Variants in JAK2 observed in about 807,000 individuals in gnomAD.
JAK2 encodes tyrosine-protein kinase JAK2.
Under a neutral mutation model 139.3 loss-of-function variants are expected in JAK2, and 86 were observed. The observed-to-expected ratio is 0.62, with a 90% confidence interval of 0.52 to 0.74. The LOEUF (loss-of-function observed/expected upper bound fraction) is 0.74. Among genes scored for constraint, JAK2 ranks in the 30% least tolerant of loss-of-function variants. The pLI is 0.00. For missense variants in JAK2, 1,421 were observed against 1,360.3 expected (o/e 1.04, Z -0.70); for synonymous variants, 490 against 437.7 (o/e 1.12, Z -1.49).
In JAK2 at chr9:5,103,221, C is replaced by CAAAAAAAAAAAAAA. The variant is rs56691830; in HGVS notation, c.3059+12331_3059+12344dup. On this transcript the variant is annotated intron_variant, in intron 22 of 24. Transcript: ENST00000381652. ...GAAGATCTACCAAGCAAAGGGAAAGCAAAAAAAAAAAAAAAAAAAAAAAAA... is the reference window on the plus strand; with the variant it reads ...GAAGATCTACCAAGCAAAGGGAAAGCAAAAAAAAAAAAAAAAAAAAAAAAAAAAAAAAAAAAAAA... Among the ~76,000 whole-genome samples, 8 of 6,872 alleles carry CAAAAAAAAAAAAAA rather than the reference C, an allele frequency of 1.2e-3. 1 individual carries two copies. The highest frequency in any genetic ancestry group is 1.5e-3 in the Non-Finnish European group (6 of 4,008). The allele number at this position is 6,872 out of a possible 152,430, so 4.5% of individuals were successfully genotyped here.
intron 3 of JAK2, among the ~76,000 whole-genome samples, chr9:5,027,117 T>G (rs1229050802): frequency 1.3e-5 from 2 of 152,204 alleles, no homozygotes; most frequent in Non-Finnish European, 2.9e-5. Context: ...AACCAACCTT[T>G]CTATAGAGGA....
intron 5 of JAK2, among the ~76,000 whole-genome samples, chr9:5,048,361 T>C (rs1400787457): frequency 1.3e-5 from 2 of 152,160 alleles, no homozygotes; most frequent in Non-Finnish European, 2.9e-5. Flanking sequence ...CAGGCTGGTC[T>C]CGAACTCCTG....
At chr9:5,114,796 A>G (rs1822992077) in intron 22 of JAK2, 1 of 298,038 alleles carries the variant, frequency 3.4e-6, no homozygotes, top group Non-Finnish European at 6.6e-6. Context: ...TTGTCTGTAA[A>G]TCCCATTAAA....
At position 5,128,083 on chromosome 9, in the gene JAK2, TG is replaced by T. The variant is rs1824118516; in HGVS notation, c.*1293del. ...CTAAAATAAAATATGGTGGGTTTTG[TG>T]TGTGTGTGTGTGTGTGTGTGTGTGT... On this transcript the variant is annotated 3_prime_UTR_variant, in exon 25 of 25. Coordinates refer to ENST00000381652, the MANE Select transcript of JAK2 (RefSeq NM_004972.4). 15 of 5,430 alleles carry T rather than the reference TG, an allele frequency of 2.8e-3. No individual in the cohort carries two copies. Among genetic ancestry groups the T allele is most frequent in the Middle Eastern group, 0.083 (2 of 24 alleles). 0.3% of individuals were successfully genotyped at this position (5,430 alleles called of 1,614,324 possible). A position where few individuals can be genotyped will look rare whatever the true frequency, so the allele number is the denominator to read the frequency against.
At chr9:4,997,629 G>A (rs1379146020) in intron 2 of JAK2, among the ~76,000 whole-genome samples, 4 of 152,236 alleles carry the variant, frequency 2.6e-5, no homozygotes, top group South Asian at 2.1e-4. Context: ...ATTTAAAGGG[G>A]ACAACATCCA....
chr9:5,049,770 A>G (rs1586703433), intron 5 of JAK2, among the ~76,000 whole-genome samples: 1 of 152,222 alleles, frequency 6.6e-6, no homozygotes. Context: ...TTGTACTTAT[A>G]CAAACCTATA....
chr9:5,007,884 C>T (rs547041299), intron 2 of JAK2, among the ~76,000 whole-genome samples: 8 of 152,110 alleles, frequency 5.3e-5, no homozygotes, highest in African/African-American at 9.6e-5. Flanking sequence ...CGTGCCACCA[C>T]GCCTGGCTAA....
intron 22 of JAK2, chr9:5,098,128 T>G (rs745473079): frequency 6.6e-6 from 1 of 152,184 alleles, no homozygotes; most frequent in African/African-American, 2.4e-5. Flanking sequence ...AACCATCTAG[T>G]AATTTAGAGT....
chr9:5,009,984 G>T (rs951758691), intron 2 of JAK2, among the ~76,000 whole-genome samples: 13 of 152,144 alleles, frequency 8.5e-5, no homozygotes, highest in African/African-American at 3.1e-4. Flanking sequence ...TGTTGCCGGG[G>T]CTAGTCTTGA....
intron 22 of JAK2, among the ~76,000 whole-genome samples, chr9:5,106,999 G>C (rs1441020560): frequency 1.3e-5 from 2 of 152,114 alleles, no homozygotes; most frequent in Non-Finnish European, 2.9e-5. Flanking sequence ...CCTGCACATT[G>C]TGCACATGTA....
intron 22 of JAK2, 194 bp downstream of exon 22, chr9:5,091,105 T>C (rs1820539690): frequency 2.2e-6 from 1 of 456,494 alleles, no homozygotes; most frequent in Non-Finnish European, 3.8e-6. Context: ...GGCATATGCT[T>C]TATTTCTATT....
intron 22 of JAK2, among the ~76,000 whole-genome samples, chr9:5,120,258 A>G (rs1186018461): frequency 3.3e-5 from 5 of 152,228 alleles, no homozygotes; most frequent in Non-Finnish European, 5.9e-5. Flanking sequence ...CCTTAATCCT[A>G]TTCATGAGGG....
chr9:5,049,482 C>G (rs114034545), intron 5 of JAK2, among the ~76,000 whole-genome samples: 127 of 152,270 alleles, frequency 8.3e-4, no homozygotes, highest in African/African-American at 2.8e-3. Flanking sequence ...TATTTTTAAA[C>G]ACACTGTGAA....
At chr9:5,039,312 A>G (rs1436492906) in intron 4 of JAK2, among the ~76,000 whole-genome samples, 3 of 152,184 alleles carry the variant, frequency 2.0e-5, no homozygotes, top group African/African-American at 7.2e-5. Context: ...TACACTGAAC[A>G]TGTACAGACT....
At chr9:5,008,019 G>A (rs1183409422) in intron 2 of JAK2, among the ~76,000 whole-genome samples, 2 of 152,010 alleles carry the variant, frequency 1.3e-5, no homozygotes, top group African/African-American at 2.4e-5. Context: ...ATGAGCCACC[G>A]CGCCTGGCCC....
At chr9:5,011,429 A>G (rs1008190074) in intron 2 of JAK2, among the ~76,000 whole-genome samples, 7 of 152,294 alleles carry the variant, frequency 4.6e-5, no homozygotes, top group South Asian at 4.1e-4. Context: ...GACTCAAGCA[A>G]TCCTCCTGCC....
At chr9:5,012,795 G>A (rs1341451751) in intron 2 of JAK2, among the ~76,000 whole-genome samples, 3 of 152,200 alleles carry the variant, frequency 2.0e-5, no homozygotes, top group Non-Finnish European at 4.4e-5. Flanking sequence ...GTTGTATGAT[G>A]AGGTTGGAGA....
intron 4 of JAK2, 128 bp downstream of exon 4, chr9:5,030,034 T>C (rs1174112658): frequency 8.4e-6 from 6 of 711,002 alleles, no homozygotes; most frequent in Non-Finnish European, 1.1e-5. Context: ...TCATTTAAGA[T>C]TTCATTTAAG....
At chr9:5,097,430 C>G (rs143215972) in intron 22 of JAK2, 1 of 152,014 alleles carries the variant, frequency 6.6e-6, no homozygotes, top group African/African-American at 2.4e-5. Context: ...CATGTCGTGA[C>G]GTATTACTCT....
Sources: gnomAD v4.1 joint callset for allele counts (sites outside exome capture counted in the v4.1 genomes callset) on GRCh38, gnomAD v4.1.1 for gene constraint, MANE v1.5 for transcripts, NCBI Gene and HGNC (gene_info 2026-07-23, HGNC 2026-07-21) for gene names.